The following CRB2 variants were observed in gnomAD, a reference collection of about 807,000 sequenced individuals.
The protein encoded by CRB2 is crumbs cell polarity complex component 2.
A neutral mutation model predicts 110.9 loss-of-function variants in CRB2; 85 were observed. The observed-to-expected ratio is 0.77, with a 90% CI of 0.64 to 0.92. CRB2 has a LOEUF of 0.92. Ranked by LOEUF, CRB2 falls within the 40% of genes least tolerant of loss-of-function variation. The pLI, the probability that CRB2 is intolerant of heterozygous loss-of-function variation, is 0.00. For missense variants in CRB2, 1,843 were observed against 1,851.3 expected (o/e 1.00, Z 0.08); for synonymous variants, 907 against 831.0 (o/e 1.09, Z -1.57).
chr9:123,354,852 G>A (rs2041781770), upstream of CRB2, among the ~76,000 whole-genome samples: 1 of 152,170 alleles, frequency 6.6e-6, no homozygotes, highest in East Asian at 1.9e-4. Context: ...CTTGCCCCGG[G>A]CTAGAGGGTC....
intron 1 of CRB2, among the ~76,000 whole-genome samples, chr9:123,361,123 T>C (rs1026710753): frequency 1.1e-5 from 1 of 93,722 alleles, no homozygotes; most frequent in Non-Finnish European, 2.4e-5. Flanking sequence ...AAGCTTCAGA[T>C]TGGATGGGCG....
In CRB2 at chr9:123,376,971, G is replaced by T. The variant is rs2042112708; in HGVS notation, c.3767G>T (p.Gly1256Val). 4 of 1,608,272 alleles carry T rather than the reference G, an allele frequency of 2.5e-6. No individual in the cohort carries two copies. The highest frequency in any genetic ancestry group is 3.4e-6 in the Non-Finnish European group (4 of 1,178,372). ...LAARKRRQSE[G>V]TYSPSQQEVA... is the part of the protein sequence containing the mutation. ...GCCCGAAAGCGCCGCCAGTCTGAGG[G>T]CACCTACAGCCCAAGCCAGCAGGAG... Residue 1256 changes from glycine to valine, a missense_variant, in exon 13 of 13, where the codon GGC becomes GTC. Physicochemically the swap from Gly to Val is moderately radical, Grantham distance 109. Coordinates refer to ENST00000373631, the MANE Select transcript of CRB2 (RefSeq NM_173689.7).
chr9:123,360,528 G>C (rs76122947), intron 1 of CRB2, among the ~76,000 whole-genome samples: 3,232 of 152,286 alleles, frequency 0.021, 62 homozygotes, highest in South Asian at 0.095. Flanking sequence ...GGAAGACAGA[G>C]ACAACCTGAG....
rs1230534212 is a variant in CRB2, at chr9:123,378,550, A to T, written c.*1488A>T. ...AGACGCTGGGATAGAGAGGGCCCTG[A>T]ACACCAGGCTCAGGGGCTTGCTTGG... On this transcript the variant is annotated 3_prime_UTR_variant, in exon 13 of 13. Coordinates refer to ENST00000373631, the MANE Select transcript of CRB2 (RefSeq NM_173689.7). 2 of 152,226 alleles carry T rather than the reference A, an allele frequency of 1.3e-5. No homozygotes were observed. The highest frequency in any genetic ancestry group is 4.8e-5 in the African/African-American group (2 of 41,446). The allele number at this position is 152,226 out of a possible 1,614,324, so 9.4% of individuals were successfully genotyped here.
chr9:123,374,764 T>C lies in CRB2; in HGVS notation c.3506+69T>C. 5.1e-6 allele frequency: 6 copies of C among 1,170,260 alleles called. No homozygotes were observed. The South Asian group carries it at 6.6e-5, about 13-fold the overall frequency. The allele number at this position is 1,170,260 out of a possible 1,614,324, so 72.5% of individuals were successfully genotyped here. On this transcript the variant is annotated intron_variant, in intron 11 of 12. Coordinates refer to ENST00000373631, the MANE Select transcript of CRB2 (RefSeq NM_173689.7). The stretch of plus-strand genomic sequence containing the variant: ...TGGAGGGCTGTTCCTCCAGCCAGGG[T>C]GGGGCGGGGGTCCTCGCCCACCTTC...
chr9:123,363,245 C>CA (rs1186107861), intron 2 of CRB2, 57 bp downstream of exon 2: 2 of 1,509,258 alleles, frequency 1.3e-6, no homozygotes, highest in Non-Finnish European at 8.9e-7. Context: ...ATCAGCTGCT[C>CA]AGAGTGTAAG....
upstream of CRB2, chr9:123,356,032 C>G (rs1564366228): frequency 4.9e-6 from 2 of 405,260 alleles, no homozygotes; most frequent in Non-Finnish European, 8.7e-6. Flanking sequence ...CAGGTCAGCC[C>G]CACAGGCTAG....
At chr9:123,363,219 C>G (rs756389596) in intron 2 of CRB2, 31 bp downstream of exon 2, 1 of 1,565,584 alleles carries the variant, frequency 6.4e-7, no homozygotes. Flanking sequence ...GGGAGGAGGT[C>G]TGTAATGCAG....
intron 6 of CRB2, chr9:123,368,737 C>T: frequency 9.1e-7 from 1 of 1,093,980 alleles, no homozygotes; most frequent in Non-Finnish European, 1.1e-6. Context: ...CATCCTCCCT[C>T]CCTTTAGGCC....
In CRB2 at chr9:123,370,114, C is replaced by T. The variant is rs1588213013; in HGVS notation, c.1061C>T (p.Thr354Ile). The change falls in exon 7 of 13, where the codon ACA becomes ATA. Residue 354 changes from threonine (T) to isoleucine (I), a missense_variant. Coordinates refer to ENST00000373631, the MANE Select transcript of CRB2 (RefSeq NM_173689.7). ...CHCPDGYAGP[T>I]CEEDVDECLS... ...GGCTTTGTCTCTCCCAAAGGGCCGA[C>T]ATGTGAGGAAGATGTGGATGAATGC... 1 of 1,583,064 alleles carries T rather than the reference C, an allele frequency of 6.3e-7. No individual in the cohort carries two copies.
At chr9:123,366,551 A>G (rs1238034598) in intron 4 of CRB2, among the ~76,000 whole-genome samples, 185 bp downstream of exon 4, 2 of 152,194 alleles carry the variant, frequency 1.3e-5, no homozygotes, top group African/African-American at 4.8e-5. Flanking sequence ...GGCTGATCGT[A>G]GCGCCTGCTC....
chr9:123,367,676 T>A lies in CRB2; in HGVS notation c.1044T>A (p.Asp348Glu), dbSNP rs139431110. The A allele has an allele frequency of 8.3e-6, 13 of 1,557,358 alleles. No individual in the cohort carries two copies. The highest frequency in any genetic ancestry group is 1.1e-5 in the Non-Finnish European group (13 of 1,151,002). Residue 348 changes from aspartate to glutamate, a missense_variant, in exon 6 of 13, where the codon GAT (aspartate) becomes GAA (glutamate). Transcript: ENST00000373631. Reference protein sequence around the residue: ...LPNGFQCHCPDGYAGPTCEED... With the variant: ...LPNGFQCHCPEGYAGPTCEED... ...ATGGCTTCCAGTGTCACTGCCCAGA[T>A]GGCTACGCAGGTGTCTGGGGTGGGG...
Position 123,370,466 on chromosome 9 carries a change from T to G in CRB2, c.1413T>G (p.Ala471=). 1.2e-6 allele frequency: 2 copies of G among 1,613,504 alleles called. No homozygotes were observed. The highest frequency in any genetic ancestry group is 1.7e-6 in the Non-Finnish European group (2 of 1,180,036). ...LALRFRTTLP[A]GTLATRNDTK... The stretch of plus-strand genomic sequence containing the variant: ...TGAGGTTTCGCACCACACTGCCCGC[T>G]GGGACCTTGGCCACTCGCAATGACA... The change falls in exon 7 of 13, where the codon GCT becomes GCG. Residue 471 remains alanine, a synonymous_variant. Coordinates refer to ENST00000373631, the MANE Select transcript of CRB2 (RefSeq NM_173689.7).
At chr9:123,362,786 G>C in intron 1 of CRB2, 79 bp from the exon 2 acceptor site, 2 of 1,406,760 alleles carry the variant, frequency 1.4e-6, no homozygotes, top group South Asian at 2.7e-5. Context: ...TGGGGTCTGG[G>C]GTGGGCCTGA....
intron 11 of CRB2, 122 bp from the exon 12 acceptor site, chr9:123,375,095 C>T: frequency 7.0e-7 from 1 of 1,438,194 alleles, no homozygotes; most frequent in Non-Finnish European, 9.5e-7. Context: ...AGGAGCAGCG[C>T]ATGGGGACAG....
chr9:123,364,317 T>TG (rs2041903226), intron 2 of CRB2, among the ~76,000 whole-genome samples: 4 of 152,150 alleles, frequency 2.6e-5, no homozygotes, highest in Non-Finnish European at 5.9e-5. Context: ...CAGTGGGTTG[T>TG]TCGGGCAGTG....
chr9:123,359,827 A>G (rs2041846699), intron 1 of CRB2, among the ~76,000 whole-genome samples: 1 of 152,164 alleles, frequency 6.6e-6, no homozygotes, highest in Non-Finnish European at 1.5e-5. Flanking sequence ...GGAGTTACTA[A>G]TGAGTGAGGC....
At chr9:123,354,970 C>T (rs1291144563), upstream of CRB2, among the ~76,000 whole-genome samples, 2 of 152,170 alleles carry the variant, frequency 1.3e-5, no homozygotes, top group African/African-American at 2.4e-5. Context: ...GCTGTCTTTC[C>T]AGGCTGTGTC....
At chr9:123,354,575 C>CA (rs2041779125), upstream of CRB2, among the ~76,000 whole-genome samples, 4 of 152,358 alleles carry the variant, frequency 2.6e-5, no homozygotes, top group South Asian at 8.3e-4. Flanking sequence ...GGCTCGAACC[C>CA]AGATCTCTTA....
Sources: gnomAD v4.1 joint callset for allele counts (sites outside exome capture counted in the v4.1 genomes callset) on GRCh38, gnomAD v4.1.1 for gene constraint, MANE v1.5 for transcripts, NCBI Gene and HGNC (gene_info 2026-07-23, HGNC 2026-07-21) for gene names.